Variants in OPCML observed in about 807,000 individuals in gnomAD.
OPCML encodes opioid-binding protein/cell adhesion molecule.
A neutral mutation model predicts 37.8 loss-of-function variants in OPCML; 13 were observed. The ratio of observed to expected loss-of-function variants is 0.34; its 90% CI spans 0.22 to 0.55. The LOEUF (loss-of-function observed/expected upper bound fraction) is 0.55. Among genes scored for constraint, OPCML ranks in the 20% least tolerant of loss-of-function variants. The pLI, the probability that OPCML is intolerant of heterozygous loss-of-function variation, is 0.91. For missense variants in OPCML, 341 were observed against 435.6 expected (o/e 0.78, Z 1.93); for synonymous variants, 176 against 168.8 (o/e 1.04, Z -0.33).
At chr11:133,285,021 AC>A (rs1342509559) in intron 1 of OPCML, among the ~76,000 whole-genome samples, 1 of 152,144 alleles carries the variant, frequency 6.6e-6, no homozygotes, top group African/African-American at 2.4e-5. Context: ...GTTACGAGAT[AC>A]ATAAACAAAT....
chr11:133,034,907 C>A (rs534756144), intron 1 of OPCML, among the ~76,000 whole-genome samples: 2,155 of 152,146 alleles, frequency 0.014, 21 homozygotes, highest in Middle Eastern at 0.044. Context: ...TTCGCACGGG[C>A]ACCGGCAGAG....
intron 1 of OPCML, among the ~76,000 whole-genome samples, chr11:133,051,650 A>T (rs533302948): frequency 1.6e-4 from 24 of 152,328 alleles, no homozygotes; most frequent in South Asian, 6.2e-4. Context: ...TCATGTCGAC[A>T]TAGGACAAGA....
chr11:133,339,299 A>G (rs2136666247), intron 1 of OPCML, among the ~76,000 whole-genome samples: 1 of 152,282 alleles, frequency 6.6e-6, no homozygotes. Flanking sequence ...TACCTTCTCC[A>G]ATTTAAAGAT....
intron 1 of OPCML, among the ~76,000 whole-genome samples, chr11:133,291,864 C>T (rs1213319416): frequency 2.0e-5 from 3 of 152,226 alleles, no homozygotes; most frequent in South Asian, 2.1e-4. Flanking sequence ...TGCACACACA[C>T]CAAGCCTCCC....
intron 1 of OPCML, among the ~76,000 whole-genome samples, chr11:133,337,806 G>A (rs115112721): frequency 0.039 from 5,903 of 152,176 alleles, 271 homozygotes; most frequent in African/African-American, 0.11. Context: ...TTTTGCAAAC[G>A]TTGAGCTTAA....
chr11:133,104,246 G>A (rs1173416734), intron 1 of OPCML, among the ~76,000 whole-genome samples: 2 of 152,150 alleles, frequency 1.3e-5, no homozygotes, highest in African/African-American at 4.8e-5. Context: ...GCTTTTCCAT[G>A]GCAGGCAGGC....
intron 2 of OPCML, among the ~76,000 whole-genome samples, chr11:132,708,377 T>C (rs535033951): frequency 6.6e-6 from 1 of 152,240 alleles, no homozygotes; most frequent in African/African-American, 2.4e-5. Context: ...TGTAAGGGAG[T>C]ACCCTATTTG....
intron 3 of OPCML, among the ~76,000 whole-genome samples, chr11:132,615,732 C>G (rs768881225): frequency 6.6e-6 from 1 of 151,854 alleles, no homozygotes; most frequent in Admixed American, 6.6e-5. Flanking sequence ...GCATTGATAC[C>G]GAGAAATGAC....
chr11:133,494,991 G>C (rs1465840593), intron 1 of OPCML, among the ~76,000 whole-genome samples: 2 of 152,126 alleles, frequency 1.3e-5, no homozygotes, highest in Non-Finnish European at 2.9e-5. Flanking sequence ...TGATTTGTGA[G>C]AGTTTGGTGC....
At chr11:133,414,736 G>A (rs965675849) in intron 1 of OPCML, among the ~76,000 whole-genome samples, 1 of 152,058 alleles carries the variant, frequency 6.6e-6, no homozygotes, top group Non-Finnish European at 1.5e-5. Context: ...GCTCTTCCCT[G>A]CCACATCAGC....
intron 1 of OPCML, among the ~76,000 whole-genome samples, chr11:133,405,302 T>TG (rs1273242641): frequency 6.6e-6 from 1 of 152,200 alleles, no homozygotes; most frequent in Non-Finnish European, 1.5e-5. Context: ...GGGCTGAATC[T>TG]GGGGGCACAT....
intron 4 of OPCML, among the ~76,000 whole-genome samples, chr11:132,488,170 C>T (rs2096205712): frequency 6.6e-6 from 1 of 152,232 alleles, no homozygotes; most frequent in African/African-American, 2.4e-5. Context: ...ACCTACCCTT[C>T]TAAGAGGCCT....
chr11:132,782,098 G>A (rs1361902820), intron 2 of OPCML, among the ~76,000 whole-genome samples: 1 of 151,832 alleles, frequency 6.6e-6, no homozygotes, highest in Non-Finnish European at 1.5e-5. Context: ...TGTTTGAAAT[G>A]GAGGTTTTAT....
chr11:133,371,150 C>CA (rs1450628334), intron 1 of OPCML, among the ~76,000 whole-genome samples: 1 of 152,040 alleles, frequency 6.6e-6, no homozygotes, highest in Non-Finnish European at 1.5e-5. Flanking sequence ...CTGAAAAAGA[C>CA]AAAAAATAAC....
At chr11:132,520,467 T>C (rs2096290097) in intron 4 of OPCML, among the ~76,000 whole-genome samples, 1 of 152,156 alleles carries the variant, frequency 6.6e-6, no homozygotes, top group Non-Finnish European at 1.5e-5. Context: ...GAAAATATTT[T>C]AGAAACAACA....
intron 2 of OPCML, among the ~76,000 whole-genome samples, chr11:132,768,884 G>C (rs764939082): frequency 2.3e-4 from 35 of 152,094 alleles, no homozygotes; most frequent in Non-Finnish European, 1.3e-4. Flanking sequence ...GGAAGAAGCG[G>C]GAGGAGAAAG....
At chr11:133,423,031 A>G (rs1365860624) in intron 1 of OPCML, 7 of 985,194 alleles carry the variant, frequency 7.1e-6, no homozygotes, top group Non-Finnish European at 8.4e-6. Flanking sequence ...CATCCAAGGA[A>G]CCTCTACTGT....
At chr11:132,984,301 A>T (rs549067594) in intron 1 of OPCML, among the ~76,000 whole-genome samples, 10 of 152,324 alleles carry the variant, frequency 6.6e-5, no homozygotes, top group African/African-American at 2.4e-4. Context: ...TTATTCATTT[A>T]AGATGAATTT....
chr11:132,572,929 G>A (rs773402549), intron 3 of OPCML, among the ~76,000 whole-genome samples: 1 of 151,580 alleles, frequency 6.6e-6, no homozygotes, highest in Non-Finnish European at 1.5e-5. Context: ...TTCATTTATC[G>A]ATCTTTTGTA....
Sources: allele counts gnomAD v4.1 joint callset (sites outside exome capture counted in the v4.1 genomes callset), GRCh38; gene constraint gnomAD v4.1.1; transcripts MANE v1.5; gene names NCBI Gene and HGNC (gene_info 2026-07-23, HGNC 2026-07-21).